Variants in INPP5A observed in about 807,000 individuals in gnomAD.
The protein encoded by INPP5A is inositol polyphosphate-5-phosphatase A, also known as 43 kDa inositol polyphosphate 5-phophatase.
Under a neutral mutation model 65.2 loss-of-function variants are expected in INPP5A, and 14 were observed. That is an observed-to-expected ratio of 0.21 (90% CI 0.14 to 0.34). The LOEUF (loss-of-function observed/expected upper bound fraction) is 0.34, where lower values mean the gene tolerates loss of function less well. Ranked by LOEUF, INPP5A falls within the 10% of genes least tolerant of loss-of-function variation. The probability of loss-of-function intolerance (pLI) is 1.00; values close to 1 mark genes in which losing one functional copy is unlikely to be tolerated. For missense variants in INPP5A, 431 were observed against 545.6 expected (o/e 0.79, Z 2.09); for synonymous variants, 207 against 208.3 (o/e 0.99, Z 0.05).
chr10:132,709,390 G>A (rs552284823), intron 7 of INPP5A, among the ~76,000 whole-genome samples: 25 of 142,766 alleles, frequency 1.8e-4, no homozygotes, highest in Non-Finnish European at 3.6e-4. Flanking sequence ...GGGAAGAGAG[G>A]AGGAGGGAGG....
chr10:132,703,298 C>T (rs771674301), intron 6 of INPP5A, among the ~76,000 whole-genome samples: 72 of 152,242 alleles, frequency 4.7e-4, no homozygotes, highest in Admixed American at 1.7e-3. Flanking sequence ...ACCCTGTGCC[C>T]GCGGTGCCTG....
chr10:132,721,930 T>G (rs1444875641), intron 8 of INPP5A, among the ~76,000 whole-genome samples: 4 of 152,148 alleles, frequency 2.6e-5, no homozygotes, highest in Non-Finnish European at 5.9e-5. Context: ...AAAAGTGAAG[T>G]CATGAAAAAT....
chr10:132,646,068 C>A, intron 3 of INPP5A, 100 bp downstream of exon 3: 1 of 754,552 alleles, frequency 1.3e-6, no homozygotes, highest in Non-Finnish European at 2.3e-6. Context: ...CCTCACCATT[C>A]GGGACTCACC....
Position 132,663,539 on chromosome 10 carries a change from TTAAG to T in INPP5A, c.306+13039_306+13042del, listed in dbSNP as rs1348161119. On this transcript the variant is annotated intron_variant, in intron 4 of 15. Coordinates refer to ENST00000368594, the MANE Select transcript of INPP5A (RefSeq NM_005539.5). The surrounding 1 kb of genome is among the most constrained non-coding windows in gnomAD (Gnocchi z 4.5). ...CCCTGCCAAAAAGACATTTTTAAGG[TTAAG>T]TAAGGCTTTGTTGATTTTGAATGTA... is the stretch of plus-strand genomic sequence containing the variant. Among the ~76,000 whole-genome samples the T allele has an allele frequency of 6.6e-6, 1 of 152,210 alleles. No homozygotes were observed. The highest frequency in any genetic ancestry group is 1.5e-5 in the Non-Finnish European group (1 of 68,036).
rs1321325815 is a variant in INPP5A at position 132,587,289 on chromosome 10, G to A, written c.76-20626G>A. 1.3e-5 allele frequency among the ~76,000 whole-genome samples: 2 copies of A among 152,186 alleles called. No homozygotes were observed. Among genetic ancestry groups the A allele is most frequent in the Middle Eastern group, 6.3e-3 (2 of 316 alleles). On this transcript the variant is annotated intron_variant, in intron 1 of 15. Transcript: ENST00000368594. This position sits in a 1 kb window ranked among gnomAD's most constrained non-coding sequence, Gnocchi z 4.3. Reference sequence around the variant, plus strand: ...CCTGCTGGCAGCAGGAGTGAGGGCCGTGTCTGGGCAGGAGGGGCTGGTACA... The same window carrying A: ...CCTGCTGGCAGCAGGAGTGAGGGCCATGTCTGGGCAGGAGGGGCTGGTACA...
rs2073000841 is a variant in INPP5A at position 132,678,528 on chromosome 10, A to G, written c.307-11864A>G. ...AACCTGTGCCTTGGGTTGTGCTTTG[A>G]GACCTGAGCTGAGGGTTCTGTCCAG... On this transcript the variant is annotated intron_variant, in intron 4 of 15. Coordinates refer to ENST00000368594, the MANE Select transcript of INPP5A (RefSeq NM_005539.5). The surrounding 1 kb of genome is among the most constrained non-coding windows in gnomAD (Gnocchi z 4.1). Among the ~76,000 whole-genome samples, 1 of 152,088 alleles carries G rather than the reference A, an allele frequency of 6.6e-6. No homozygotes were observed. The highest frequency in any genetic ancestry group is 1.5e-5 in the Non-Finnish European group (1 of 68,022).
At chr10:132,701,118 CTT>C (rs1234608274) in intron 6 of INPP5A, among the ~76,000 whole-genome samples, 1 of 152,232 alleles carries the variant, frequency 6.6e-6, no homozygotes, top group South Asian at 2.1e-4. Context: ...CGCAGCCTCT[CTT>C]TTCTCCGTGG....
At chr10:132,710,277 C>G in intron 7 of INPP5A, 60 bp from the exon 8 acceptor site, 1 of 1,581,378 alleles carries the variant, frequency 6.3e-7, no homozygotes, top group Non-Finnish European at 8.6e-7. Context: ...CTTGGGAGAA[C>G]GAAGTGTGAC....
At chr10:132,719,394 C>G (rs1482648696) in intron 8 of INPP5A, among the ~76,000 whole-genome samples, 3 of 149,904 alleles carry the variant, frequency 2.0e-5, no homozygotes, top group African/African-American at 7.4e-5. Flanking sequence ...TCTGTGGTAC[C>G]TGGGTTCTGT....
At chr10:132,765,670 G>C (rs1846829394) in intron 11 of INPP5A, 103 bp from the exon 12 acceptor site, 2 of 742,524 alleles carry the variant, frequency 2.7e-6, no homozygotes, top group East Asian at 5.0e-5. Context: ...GGGAAGAGCA[G>C]ATGTCACACC....
At chr10:132,657,440 C>T in intron 4 of INPP5A, among the ~76,000 whole-genome samples, 1 of 152,208 alleles carries the variant, frequency 6.6e-6, no homozygotes. Flanking sequence ...TGAAGTGGGG[C>T]ACAGATGCCC....
At chr10:132,766,683 CAT>C (rs538809137) in intron 12 of INPP5A, among the ~76,000 whole-genome samples, 561 of 152,162 alleles carry the variant, frequency 3.7e-3, no homozygotes, top group Non-Finnish European at 5.6e-3. Flanking sequence ...TGTGTGTGCA[CAT>C]GTGTGTGTGT....
intron 1 of INPP5A, among the ~76,000 whole-genome samples, chr10:132,579,455 G>A (rs1302980576): frequency 2.0e-5 from 3 of 152,158 alleles, no homozygotes; most frequent in East Asian, 1.9e-4. Context: ...GATTGTGCAG[G>A]GCAGGGAAGG....
chr10:132,631,192 G>A (rs2072268367), intron 2 of INPP5A, among the ~76,000 whole-genome samples: 1 of 152,190 alleles, frequency 6.6e-6, no homozygotes, highest in South Asian at 2.1e-4. Context: ...TGTGCAGGGC[G>A]GAGAGAAGAA....
intron 4 of INPP5A, among the ~76,000 whole-genome samples, chr10:132,685,719 CCCTG>C (rs1564964066): frequency 1.0e-3 from 158 of 152,326 alleles, no homozygotes; most frequent in African/African-American, 3.6e-3. Flanking sequence ...GGAGGTGGGA[CCCTG>C]CTCAACAAAC....
At chr10:132,559,633 A>G (rs1246794629) in intron 1 of INPP5A, among the ~76,000 whole-genome samples, 3 of 151,848 alleles carry the variant, frequency 2.0e-5, no homozygotes, top group Non-Finnish European at 4.4e-5. Flanking sequence ...TGTTCCAGGG[A>G]CCTCACTTAC....
chr10:132,562,027 A>C (rs1477892325), intron 1 of INPP5A, among the ~76,000 whole-genome samples: 1 of 152,218 alleles, frequency 6.6e-6, no homozygotes, highest in East Asian at 1.9e-4. Flanking sequence ...TCTGCAGTTT[A>C]AGTAGGAAAG....
At position 132,653,415 on chromosome 10, in the gene INPP5A, G is replaced by A. The variant is rs1028247342; in HGVS notation, c.306+2910G>A. ...AGGTCCACCCGAGACTCTGCCTGGC[G>A]TGCGTATCTGGGCATCTGCACCTGG... On this transcript the variant is annotated intron_variant, in intron 4 of 15. Coordinates refer to ENST00000368594, the MANE Select transcript of INPP5A (RefSeq NM_005539.5). 7.9e-5 allele frequency among the ~76,000 whole-genome samples: 12 copies of A among 152,266 alleles called. No individual in the cohort carries two copies. The East Asian group carries it at 1.2e-3, about 15-fold the overall frequency.
chr10:132,752,405 G>C (rs1316107406), intron 11 of INPP5A, among the ~76,000 whole-genome samples: 1 of 151,266 alleles, frequency 6.6e-6, no homozygotes, highest in East Asian at 2.0e-4. Context: ...GGGGCTGCGT[G>C]GAGTGGGGTG....
Sources: allele counts gnomAD v4.1 joint callset (sites outside exome capture counted in the v4.1 genomes callset), GRCh38; gene constraint gnomAD v4.1.1; non-coding constraint Gnocchi (gnomAD v3.1); transcripts MANE v1.5; gene names NCBI Gene and HGNC (gene_info 2026-07-23, HGNC 2026-07-21).